The following RSRC2 variants were observed in gnomAD, a reference collection of about 807,000 sequenced individuals.
The protein encoded by RSRC2 is arginine and serine rich coiled-coil 2, also known as arginine/serine-rich coiled-coil protein 2.
In RSRC2, 5 loss-of-function variants were observed where a neutral mutation model predicts 61.3. The ratio of observed to expected loss-of-function variants is 0.08; its 90% CI spans 0.04 to 0.17. The LOEUF (loss-of-function observed/expected upper bound fraction) is 0.17, where lower values mean the gene tolerates loss of function less well. RSRC2 is among the 10% of genes least tolerant of loss of function. The pLI is 1.00. For synonymous variants in RSRC2, 202 were observed against 166.5 expected (o/e 1.21, Z -1.64); for missense variants, 381 against 518.8 (o/e 0.73, Z 2.58).
chr12:122,510,525 T>TAACAAC (rs111392806), intron 7 of RSRC2, among the ~76,000 whole-genome samples: 131 of 152,154 alleles, frequency 8.6e-4, no homozygotes, highest in Middle Eastern at 3.4e-3. Flanking sequence ...CGAGACTCCG[T>TAACAAC]AACAACAACA....
chr12:122,514,246 ATT>A (rs145197919), intron 6 of RSRC2, among the ~76,000 whole-genome samples: 45 of 140,750 alleles, frequency 3.2e-4, no homozygotes, highest in African/African-American at 8.8e-4. Context: ...CAGAAAATTT[ATT>A]TTTGTGTGTG....
At chr12:122,516,159 G>A (rs192665484) in intron 5 of RSRC2, among the ~76,000 whole-genome samples, 6 of 152,246 alleles carry the variant, frequency 3.9e-5, no homozygotes, top group Admixed American at 3.9e-4. Flanking sequence ...ACTGTATTAA[G>A]TACAGGTCCC....
chr12:122,526,151 G>A (rs966044921), intron 1 of RSRC2: 7 of 152,104 alleles, frequency 4.6e-5, no homozygotes, highest in Non-Finnish European at 2.9e-5. Flanking sequence ...AAGGAACAAG[G>A]TCAGTGACAA....
chr12:122,526,795 T>C, intron 1 of RSRC2, 53 bp downstream of exon 1: 1 of 1,606,518 alleles, frequency 6.2e-7, no homozygotes, highest in East Asian at 2.2e-5. Flanking sequence ...TCACCCACTG[T>C]TGGAACGTAG....
rs543871333 is a variant in RSRC2 at position 122,518,321 on chromosome 12, G to A, written c.398+518C>T. Among the ~76,000 whole-genome samples, 65 of 151,862 alleles carry A rather than the reference G, an allele frequency of 4.3e-4. 3 individuals carry two copies. Among genetic ancestry groups the A allele is most frequent in the South Asian group, 6.2e-4 (3 of 4,814 alleles). On this transcript the variant is annotated intron_variant, in intron 4 of 9. Transcript: ENST00000331738. ...AAAAAAGAAAATCTAGGCTGGGCACGGTGGCTCACACCTGTAATCCCAGCA... is the reference window on the plus strand; with the variant it reads ...AAAAAAGAAAATCTAGGCTGGGCACAGTGGCTCACACCTGTAATCCCAGCA...
At chr12:122,520,360 G>C in intron 3 of RSRC2, 1 of 453,794 alleles carries the variant, frequency 2.2e-6, no homozygotes. Flanking sequence ...AGTCTTAAGT[G>C]GTTAAACTTC....
At chr12:122,515,798 T>C (rs1158808224) in intron 5 of RSRC2, among the ~76,000 whole-genome samples, 1 of 152,178 alleles carries the variant, frequency 6.6e-6, no homozygotes, top group Non-Finnish European at 1.5e-5. Context: ...GAGACCTGCC[T>C]GGCCAACATG....
At chr12:122,521,046 A>G (rs775136484) in intron 3 of RSRC2, 106 of 253,526 alleles carry the variant, frequency 4.2e-4, no homozygotes, top group Non-Finnish European at 6.9e-4. Flanking sequence ...ATTGCTGTTT[A>G]AAAATCCTGA....
chr12:122,507,044 G>A (rs1193405521), intron 8 of RSRC2, 121 bp from the exon 9 acceptor site: 2 of 683,590 alleles, frequency 2.9e-6, no homozygotes, highest in African/African-American at 1.8e-5. Context: ...ATCAATGTAA[G>A]TTTAATTATT....
chr12:122,517,509 G>A (rs1959029586), intron 4 of RSRC2, 79 bp from the exon 5 acceptor site: 3 of 1,538,524 alleles, frequency 1.9e-6, no homozygotes, highest in Non-Finnish European at 2.7e-6. Flanking sequence ...TTAGTTACTT[G>A]TAGTAACGCA....
chr12:122,505,773 AT>A (rs967629961), intron 9 of RSRC2, 67 bp from the exon 10 acceptor site: 4 of 1,366,452 alleles, frequency 2.9e-6, no homozygotes, highest in Non-Finnish European at 4.0e-6. Flanking sequence ...ACTTGACACT[AT>A]TTTTTATGTA....
chr12:122,522,077 T>C, intron 2 of RSRC2, 66 bp downstream of exon 2: 1 of 1,466,656 alleles, frequency 6.8e-7, no homozygotes. Flanking sequence ...ATGTGTCTTC[T>C]TATACAACAG....
chr12:122,518,627 G>C (rs1312651438), intron 4 of RSRC2, among the ~76,000 whole-genome samples: 4 of 150,434 alleles, frequency 2.7e-5, no homozygotes, highest in Non-Finnish European at 5.9e-5. Flanking sequence ...CTAGGCACTT[G>C]AGATTTAGTC....
At chr12:122,525,804 T>TAAATTTAAAGGAACAAGGTCAG (rs1593439382) in intron 1 of RSRC2, among the ~76,000 whole-genome samples, 1 of 48,226 alleles carries the variant, frequency 2.1e-5, no homozygotes. Flanking sequence ...ACGAAGAGTT[T>TAAATTTAAAGGAACAAGGTCAG]TTTTTTTTTT....
chr12:122,525,352 G>A (rs762420742), intron 1 of RSRC2, among the ~76,000 whole-genome samples: 3 of 152,060 alleles, frequency 2.0e-5, no homozygotes, highest in Non-Finnish European at 4.4e-5. Flanking sequence ...CTCCAGCCTG[G>A]GCGACAAGAG....
chr12:122,518,665 A>G (rs1404959369), intron 4 of RSRC2, among the ~76,000 whole-genome samples, 174 bp downstream of exon 4: 1 of 152,094 alleles, frequency 6.6e-6, no homozygotes, highest in Non-Finnish European at 1.5e-5. Flanking sequence ...CTTGGAAACC[A>G]TTTTTGCATG....
In RSRC2 at chr12:122,508,448, CTGCT is replaced by C. The variant is rs1306984553; in HGVS notation, c.806-5_806-2del. ...AGAACAGAACCTCCAGTAGCTGCAGCTGCTTGAAGAGAATACAAAAATGGATTTT... is the reference window on the plus strand; with the variant it reads ...AGAACAGAACCTCCAGTAGCTGCAGCTGAAGAGAATACAAAAATGGATTTT... On this transcript the variant is annotated splice_acceptor_variant and splice_polypyrimidine_tract_variant and intron_variant, in intron 7 of 9. Transcript: ENST00000331738. LOFTEE classifies it high-confidence loss of function. 10 of 1,610,988 alleles carry C rather than the reference CTGCT, an allele frequency of 6.2e-6. No individual in the cohort carries two copies. The highest frequency in any genetic ancestry group is 8.5e-6 in the Non-Finnish European group (10 of 1,177,856).
chr12:122,515,171 G>C lies in RSRC2; in HGVS notation c.659C>G (p.Thr220Ser). The C allele has an allele frequency of 6.2e-7, 1 of 1,614,102 alleles. No individual in the cohort carries two copies. The highest frequency in any genetic ancestry group is 2.2e-5 in the East Asian group (1 of 44,876). ...GCCTCTGAAGGGAGGTGGACTTGGAGTCCGGCTTAAACTTCTGCTAAATCT... is the reference window on the plus strand; with the variant it reads ...GCCTCTGAAGGGAGGTGGACTTGGACTCCGGCTTAAACTTCTGCTAAATCT... ...PRRFSRSLSR[T>S]PSPPPFRGRN... Residue 220 changes from threonine to serine, a missense_variant, in exon 6 of 10, where the codon ACT (threonine) becomes AGT (serine). Physicochemically the swap from Thr to Ser is moderately conservative, Grantham distance 58. Around this residue, in one of 4 missense-constraint regions of RSRC2, gnomAD observed 266 missense variants for 270.5 expected, o/e 0.98. Transcript: ENST00000331738.
chr12:122,524,216 G>A (rs1959703772), intron 1 of RSRC2, among the ~76,000 whole-genome samples: 1 of 152,038 alleles, frequency 6.6e-6, no homozygotes, highest in African/African-American at 2.4e-5. Context: ...TATCATTAAG[G>A]ATGATTCTGA....
Sources: allele counts gnomAD v4.1 joint callset (sites outside exome capture counted in the v4.1 genomes callset), GRCh38; gene constraint gnomAD v4.1.1; regional missense constraint gnomAD v4.1.1; transcripts MANE v1.5; gene names NCBI Gene and HGNC (gene_info 2026-07-23, HGNC 2026-07-21).